The following PEAR1 variants were observed in gnomAD, a reference collection of about 807,000 sequenced individuals.
PEAR1 encodes the protein multiple EGF-like domains protein 12.
Under a neutral mutation model 131.2 loss-of-function variants are expected in PEAR1, and 113 were observed. The observed-to-expected ratio is 0.86, with a 90% CI of 0.74 to 1.01. PEAR1 has a LOEUF of 1.01. Among genes scored for constraint, PEAR1 ranks in the 50% least tolerant of loss-of-function variants. The pLI is 0.00. For synonymous variants in PEAR1, 565 were observed against 523.3 expected (o/e 1.08, Z -1.09); for missense variants, 1,408 against 1,391.1 (o/e 1.01, Z -0.19).
chr1:156,899,436 T>C (rs1487681367), intron 1 of PEAR1, among the ~76,000 whole-genome samples: 5 of 152,118 alleles, frequency 3.3e-5, no homozygotes, highest in African/African-American at 9.7e-5. Flanking sequence ...TTTTGGGGGA[T>C]CAGGTTCTCG....
intron 1 of PEAR1, among the ~76,000 whole-genome samples, chr1:156,898,083 G>C (rs1194187292): frequency 6.6e-6 from 1 of 152,128 alleles, no homozygotes; most frequent in Non-Finnish European, 1.5e-5. Flanking sequence ...TTTGAATCCT[G>C]CTCTTGCCCC....
intron 1 of PEAR1, among the ~76,000 whole-genome samples, chr1:156,903,508 G>T (rs569928467): frequency 6.6e-6 from 1 of 152,262 alleles, no homozygotes; most frequent in Admixed American, 6.5e-5. Context: ...GAAACGCACT[G>T]GGTCCCTGCC....
At chr1:156,905,069 A>G in intron 3 of PEAR1, 1 of 1,134,952 alleles carries the variant, frequency 8.8e-7, no homozygotes, top group Non-Finnish European at 1.3e-6. Context: ...GTTACAGTAT[A>G]TGCCTGTGGG....
chr1:156,900,372 G>A lies in PEAR1; in HGVS notation c.-9-3546G>A, dbSNP rs147088821. Among the ~76,000 whole-genome samples the A allele has an allele frequency of 3.1e-4, 47 of 151,218 alleles. No homozygotes were observed. The East Asian group carries it at 8.4e-3, about 27-fold the overall frequency. The stretch of plus-strand genomic sequence containing the variant: ...GGCAGCTCCCCCACCCCATAAGAGA[G>A]ACTTTTAAAAAGAAGATACAGAGCC... On this transcript the variant is annotated intron_variant, in intron 1 of 22. Transcript: ENST00000292357.
At chr1:156,909,057 A>G in intron 11 of PEAR1, 21 bp downstream of exon 11, 2 of 1,613,476 alleles carry the variant, frequency 1.2e-6, no homozygotes, top group Non-Finnish European at 1.7e-6. Flanking sequence ...GGAGTTTCCC[A>G]GAGAGAAGAC....
At chr1:156,912,221 C>G in intron 15 of PEAR1, 26 bp from the exon 16 acceptor site, 2 of 1,591,168 alleles carry the variant, frequency 1.3e-6, no homozygotes, top group East Asian at 4.5e-5. Context: ...ACCTGCCCCA[C>G]CAGACAGGCC....
chr1:156,906,490 C>T lies in PEAR1; in HGVS notation c.400+122C>T, dbSNP rs1048150805. 8 of 1,525,260 alleles carry T rather than the reference C, an allele frequency of 5.2e-6. No homozygotes were observed. The East Asian group carries it at 9.2e-5, about 18-fold the overall frequency. 94.5% of individuals were successfully genotyped at this position (1,525,260 alleles called of 1,614,324 possible). On this transcript the variant is annotated intron_variant, in intron 5 of 22. Coordinates refer to ENST00000292357, the MANE Select transcript of PEAR1 (RefSeq NM_001080471.3). Reference sequence around the variant, plus strand: ...CCCCAGGGCGATTACCCGCCAGAGCCCCATTGCTGCCATCTGCCTTTTCTG... The same window carrying T: ...CCCCAGGGCGATTACCCGCCAGAGCTCCATTGCTGCCATCTGCCTTTTCTG...
At chr1:156,896,740 A>G (rs926246430) in intron 1 of PEAR1, among the ~76,000 whole-genome samples, 16 of 152,310 alleles carry the variant, frequency 1.1e-4, no homozygotes, top group South Asian at 1.0e-3. Context: ...GGGGAGGCAC[A>G]GGATGAGGGC....
At chr1:156,895,378 C>T (rs867493382) in intron 1 of PEAR1, among the ~76,000 whole-genome samples, 20 of 152,220 alleles carry the variant, frequency 1.3e-4, no homozygotes, top group Admixed American at 7.9e-4. Flanking sequence ...GGAGCCTCCA[C>T]CACGGCATTC....
rs1334341513 is a variant in PEAR1 at position 156,909,853 on chromosome 1, A to G, written c.1514A>G (p.Gln505Arg). ...QCAHEAVCSP[Q>R]TGACTCTPGW... ...GCCCATGAGGCAGTCTGCAGCCCCC[A>G]AACTGGAGCCTGTACCTGCACCCCT... is the stretch of plus-strand genomic sequence containing the variant. The change falls in exon 12 of 23, where the codon CAA becomes CGA. Residue 505 changes from glutamine to arginine, a missense_variant. Transcript: ENST00000292357. The G allele has an allele frequency of 2.8e-5, 45 of 1,613,870 alleles. No homozygotes were observed. Among genetic ancestry groups the G allele is most frequent in the Non-Finnish European group, 3.8e-5 (45 of 1,179,830 alleles).
rs1651770502 is a variant in PEAR1, at chr1:156,915,393, T to C, written c.*595T>C. The C allele has an allele frequency of 6.6e-6, 1 of 152,260 alleles. No individual in the cohort carries two copies. The highest frequency in any genetic ancestry group is 1.5e-5 in the Non-Finnish European group (1 of 68,072). 9.4% of individuals were successfully genotyped at this position (152,260 alleles called of 1,614,324 possible). ...CCAGTATCAAAACTTTTGAAGGCCTTAAAGGCCCTGCTTTGCCTGGCCCAT... is the reference window on the plus strand; with the variant it reads ...CCAGTATCAAAACTTTTGAAGGCCTCAAAGGCCCTGCTTTGCCTGGCCCAT... On this transcript the variant is annotated 3_prime_UTR_variant, in exon 23 of 23. Coordinates refer to ENST00000292357, the MANE Select transcript of PEAR1 (RefSeq NM_001080471.3).
At chr1:156,907,837 A>G in intron 7 of PEAR1, 78 bp from the exon 8 acceptor site, 1 of 1,555,580 alleles carries the variant, frequency 6.4e-7, no homozygotes, top group Non-Finnish European at 8.7e-7. Context: ...CTCTGTGGTT[A>G]TGGGGGTGTC....
rs773649911 is a variant in PEAR1, at chr1:156,913,702, C to T, written c.2655C>T (p.Arg885=). 12 of 1,613,984 alleles carry T rather than the reference C, an allele frequency of 7.4e-6. No individual in the cohort carries two copies. Among genetic ancestry groups the T allele is most frequent in the Non-Finnish European group, 9.3e-6 (11 of 1,179,976 alleles). Reference sequence around the variant, plus strand: ...CCTCCTCCTCCTCAGGGAGCAGCCGCCTGGACCGAAGCTACAGCTATAGCT... The same window carrying T: ...CCTCCTCCTCCTCAGGGAGCAGCCGTCTGGACCGAAGCTACAGCTATAGCT... ...PPGPLDRGSS[R]LDRSYSYSYS... The change falls in exon 21 of 23, where the codon CGC becomes CGT. Residue 885 remains arginine (R), a synonymous_variant. Transcript: ENST00000292357.
At chr1:156,904,122 A>G (rs1250170314) in intron 2 of PEAR1, 95 bp downstream of exon 2, 1 of 978,858 alleles carries the variant, frequency 1.0e-6, no homozygotes, top group Non-Finnish European at 1.6e-6. Context: ...GTCCTTCCTT[A>G]ATCTCCTTCC....
At chr1:156,906,391 G>C (rs770332518) in intron 5 of PEAR1, 23 bp downstream of exon 5, 2 of 1,612,390 alleles carry the variant, frequency 1.2e-6, no homozygotes, top group Admixed American at 3.3e-5. Context: ...TGACCCCAGG[G>C]AGTGGCCTCT....
intron 2 of PEAR1, 96 bp from the exon 3 acceptor site, chr1:156,904,652 T>G (rs1182674083): frequency 1.9e-5 from 24 of 1,249,492 alleles, no homozygotes; most frequent in Non-Finnish European, 1.3e-5. Context: ...GGGCTGTGGA[T>G]TCCCCACTGT....
Position 156,908,674 on chromosome 1 carries a change from G to A in PEAR1, c.1135G>A (p.Glu379Lys), listed in dbSNP as rs1231553449. 1.3e-6 allele frequency: 2 copies of A among 1,531,218 alleles called. No homozygotes were observed. The highest frequency in any genetic ancestry group is 2.0e-5 in the Admixed American group (1 of 50,656). The allele number at this position is 1,531,218 out of a possible 1,614,324, so 94.9% of individuals were successfully genotyped here. Residue 379 changes from glutamate (E) to lysine (K), a missense_variant, in exon 10 of 23, where the codon GAG becomes AAG. Glu to Lys is a moderately conservative substitution (Grantham distance 56, BLOSUM62 1). Coordinates refer to ENST00000292357, the MANE Select transcript of PEAR1 (RefSeq NM_001080471.3). The surrounding 1 kb of genome is among the most constrained non-coding windows in gnomAD (Gnocchi z 4.2). ...HSLSCHPMNGECSCLPGWAGL... is the reference protein window; with the variant it reads ...HSLSCHPMNGKCSCLPGWAGL... ...CCCCAGCTGCCACCCGATGAACGGG[G>A]AGTGCTCCTGCCTGCCGGGCTGGGC...
chr1:156,912,403 C>T (rs1651320921), intron 16 of PEAR1, 28 bp downstream of exon 16: 1 of 1,607,582 alleles, frequency 6.2e-7, no homozygotes. Context: ...ACTCCAGGCC[C>T]CTGCCTCCAA....
chr1:156,910,782 TGA>T (rs776943797), intron 15 of PEAR1, 39 bp downstream of exon 15: 1 of 1,610,338 alleles, frequency 6.2e-7, no homozygotes, highest in Non-Finnish European at 8.5e-7. Context: ...ACGTGCATGC[TGA>T]GAGGGGGTGC....
Sources: gnomAD v4.1 joint callset for allele counts (sites outside exome capture counted in the v4.1 genomes callset) on GRCh38, gnomAD v4.1.1 for gene constraint, Gnocchi (gnomAD v3.1) non-coding constraint, MANE v1.5 for transcripts, NCBI Gene and HGNC (gene_info 2026-07-23, HGNC 2026-07-21) for gene names.